The following ASIC2 variants were observed in gnomAD, a reference collection of about 807,000 sequenced individuals.
ASIC2 encodes acid-sensing ion channel 2.
In ASIC2, 25 loss-of-function variants were observed where a neutral mutation model predicts 57.3. The observed-to-expected ratio is 0.44, with a 90% CI of 0.32 to 0.61. The LOEUF (loss-of-function observed/expected upper bound fraction) is 0.61, where lower values mean the gene tolerates loss of function less well. ASIC2 is among the 20% of genes least tolerant of loss of function. The pLI, the probability that ASIC2 is intolerant of heterozygous loss-of-function variation, is 0.06. For synonymous variants in ASIC2, 319 were observed against 307.5 expected, an observed-to-expected ratio of 1.04 and a Z score of -0.39; for missense variants, 641 against 738.1, an observed-to-expected ratio of 0.87 and a Z score of 1.52.
chr17:33,281,954 T>C (rs1299882242), intron 1 of ASIC2, among the ~76,000 whole-genome samples: 1 of 152,234 alleles, frequency 6.6e-6, no homozygotes, highest in African/African-American at 2.4e-5. Flanking sequence ...TCTAAGTTTC[T>C]GGAGTCCAAA....
chr17:33,516,249 C>A (rs761740694), intron 1 of ASIC2, among the ~76,000 whole-genome samples: 23 of 152,220 alleles, frequency 1.5e-4, no homozygotes, highest in African/African-American at 5.5e-4. Context: ...TCCCACATTG[C>A]CTTCCTTCTT....
intron 1 of ASIC2, among the ~76,000 whole-genome samples, chr17:33,352,011 T>C (rs912637350): frequency 7.2e-5 from 11 of 152,144 alleles, no homozygotes; most frequent in African/African-American, 2.7e-4. Flanking sequence ...GTCTGATGTC[T>C]GCTCCTCAGC....
intron 1 of ASIC2, among the ~76,000 whole-genome samples, chr17:33,139,242 T>C (rs1212199857): frequency 1.3e-5 from 2 of 152,180 alleles, no homozygotes; most frequent in Non-Finnish European, 2.9e-5. Flanking sequence ...CTTTCCTGCC[T>C]ACCTGTTATC....
intron 1 of ASIC2, among the ~76,000 whole-genome samples, chr17:33,854,234 A>G (rs1260694320): frequency 6.8e-6 from 1 of 147,154 alleles, no homozygotes; most frequent in Non-Finnish European, 1.5e-5. Flanking sequence ...GTGCTTCTGC[A>G]CTGTAGGCAT....
At chr17:34,115,847 G>A (rs1023107666) in intron 1 of ASIC2, among the ~76,000 whole-genome samples, 9 of 152,114 alleles carry the variant, frequency 5.9e-5, no homozygotes, top group Middle Eastern at 3.2e-3. Context: ...ATCCAATAGC[G>A]CAAGAGTACA....
At chr17:33,486,374 A>G (rs1913575923) in intron 1 of ASIC2, among the ~76,000 whole-genome samples, 1 of 152,222 alleles carries the variant, frequency 6.6e-6, no homozygotes, top group Admixed American at 6.5e-5. Context: ...GAACCAAGGC[A>G]ATCTGGCTTC....
chr17:33,956,987 T>G (rs1477006606), intron 1 of ASIC2, among the ~76,000 whole-genome samples: 1 of 152,234 alleles, frequency 6.6e-6, no homozygotes, highest in Admixed American at 6.5e-5. Flanking sequence ...TGGCAGCTGC[T>G]GCCCTGACTG....
At chr17:33,723,621 A>G (rs893454658) in intron 1 of ASIC2, among the ~76,000 whole-genome samples, 4 of 152,218 alleles carry the variant, frequency 2.6e-5, no homozygotes, top group African/African-American at 9.6e-5. Flanking sequence ...ATGCCACTGC[A>G]CCCAGCCCTA....
At chr17:33,245,034 A>G (rs1420102771) in intron 1 of ASIC2, among the ~76,000 whole-genome samples, 1 of 152,238 alleles carries the variant, frequency 6.6e-6, no homozygotes, top group Non-Finnish European at 1.5e-5. Context: ...AACATAGTCT[A>G]TTCTGTAATA....
rs1408731263 is a variant in ASIC2, at chr17:34,047,506, CAGAA to C, written c.555+108468_555+108471del. Among the ~76,000 whole-genome samples the C allele has an allele frequency of 8.9e-4, 61 of 68,320 alleles. 1 individual carries two copies. Among genetic ancestry groups the C allele is most frequent in the African/African-American group, 2.0e-3 (42 of 21,186 alleles). 44.8% of individuals were successfully genotyped at this position (68,320 alleles called of 152,430 possible). A position where few individuals can be genotyped will look rare whatever the true frequency, so the allele number is the denominator to read the frequency against. On this transcript the variant is annotated intron_variant, in intron 1 of 9. Coordinates refer to the ASIC2 transcript ENST00000359872. ...TCTTAACATGATGTACACCTTTCTCCAGAAAAAAAAAAAAAAAAAAAAAAAAAGA... is the reference window on the plus strand; with the variant it reads ...TCTTAACATGATGTACACCTTTCTCCAAAAAAAAAAAAAAAAAAAAAAAGA...
chr17:33,502,646 C>T (rs1421047885), intron 1 of ASIC2, among the ~76,000 whole-genome samples: 1 of 152,180 alleles, frequency 6.6e-6, no homozygotes, highest in African/African-American at 2.4e-5. Flanking sequence ...AGGGCAGGAA[C>T]CCAGAAACCC....
chr17:33,737,789 GTTTAC>G (rs990233347), intron 1 of ASIC2, among the ~76,000 whole-genome samples: 3 of 152,178 alleles, frequency 2.0e-5, no homozygotes, highest in Admixed American at 6.5e-5. Context: ...GGAAGAGACA[GTTTAC>G]TTTGAATATG....
At chr17:33,089,819 T>C (rs1195003398) in intron 2 of ASIC2, among the ~76,000 whole-genome samples, 2 of 152,200 alleles carry the variant, frequency 1.3e-5, no homozygotes, top group Non-Finnish European at 2.9e-5. Flanking sequence ...ACTTCCCTCA[T>C]TTTTTCCTTT....
At chr17:33,499,484 G>A (rs1294871438) in intron 1 of ASIC2, among the ~76,000 whole-genome samples, 1 of 152,206 alleles carries the variant, frequency 6.6e-6, no homozygotes, top group Non-Finnish European at 1.5e-5. Flanking sequence ...AGATCAAGGT[G>A]ATGCATCTAT....
intron 3 of ASIC2, among the ~76,000 whole-genome samples, chr17:33,083,728 T>C (rs569353599): frequency 1.2e-4 from 19 of 152,272 alleles, no homozygotes; most frequent in African/African-American, 3.8e-4. Context: ...CATTGGGATG[T>C]AGGGTCCATC....
chr17:33,579,255 C>G (rs962700121), intron 1 of ASIC2, among the ~76,000 whole-genome samples: 19 of 145,264 alleles, frequency 1.3e-4, no homozygotes, highest in Admixed American at 1.2e-3. Flanking sequence ...CATTGCACTC[C>G]AGCCTGGGTA....
At chr17:34,090,941 T>A (rs1232480519) in intron 1 of ASIC2, among the ~76,000 whole-genome samples, 1 of 152,242 alleles carries the variant, frequency 6.6e-6, no homozygotes, top group Non-Finnish European at 1.5e-5. Flanking sequence ...CCATCTCCCT[T>A]GGCATTTGGG....
At chr17:33,883,033 C>T (rs977348641) in intron 1 of ASIC2, among the ~76,000 whole-genome samples, 2 of 152,078 alleles carry the variant, frequency 1.3e-5, no homozygotes, top group African/African-American at 4.8e-5. Flanking sequence ...ACCACATGTT[C>T]TCACTCATAG....
At chr17:34,066,007 C>A (rs1909161013) in intron 1 of ASIC2, among the ~76,000 whole-genome samples, 1 of 152,060 alleles carries the variant, frequency 6.6e-6, no homozygotes, top group South Asian at 2.1e-4. Context: ...TGAGGGCACA[C>A]AGAGGTTAAG....
Sources: gnomAD v4.1 joint callset for allele counts (sites outside exome capture counted in the v4.1 genomes callset) on GRCh38, gnomAD v4.1.1 for gene constraint, MANE v1.5 for transcripts, NCBI Gene and HGNC (gene_info 2026-07-23, HGNC 2026-07-21) for gene names.